The following TPCN2 variants were observed in gnomAD, a reference collection of about 807,000 sequenced individuals.
TPCN2 encodes the protein two pore channel protein 2.
A neutral mutation model predicts 111.4 loss-of-function variants in TPCN2; 92 were observed. The observed-to-expected ratio is 0.83, with a 90% confidence interval of 0.70 to 0.98. TPCN2 has a LOEUF of 0.98. Ranked by LOEUF, TPCN2 falls within the 50% of genes least tolerant of loss-of-function variation. TPCN2 has a pLI of 0.00. For missense variants in TPCN2, 995 were observed against 980.1 expected, an observed-to-expected ratio of 1.02 and a Z score of -0.20; for synonymous variants, 405 against 414.5, an observed-to-expected ratio of 0.98 and a Z score of 0.28.
Position 69,063,896 on chromosome 11 carries a change from G to A in TPCN2, c.655G>A (p.Val219Ile), listed in dbSNP as rs72928978. 0.1 allele frequency: 165,237 copies of A among 1,613,150 alleles called. 10,520 individuals are homozygous for A. The highest frequency in any genetic ancestry group is 0.11 in the Non-Finnish European group (133,762 of 1,179,384). The change falls in exon 7 of 25, where the codon GTC becomes ATC. Residue 219 changes from valine to isoleucine, a missense_variant and splice_region_variant. Transcript: ENST00000294309. Reference protein sequence around the residue: ...IRWSLPEMASVGLLLAIHLCL... With the variant: ...IRWSLPEMASIGLLLAIHLCL... ...GCTGAGTGCCGTGCTCTCCCCCAGC[G>A]TCGGGCTGCTGCTGGCCATCCACCT...
In TPCN2 at chr11:69,079,826, A is replaced by T; in HGVS notation, c.1540-8A>T. ...GTAGCGAAGCCTTCTTTTCTTTTGT[A>T]ATTAAAGGTTTTGGAGATCTCAACT... On this transcript the variant is annotated splice_region_variant and splice_polypyrimidine_tract_variant and intron_variant, in intron 16 of 24. Transcript: ENST00000294309. 1.2e-6 allele frequency: 2 copies of T among 1,613,160 alleles called. No individual in the cohort carries two copies. The highest frequency in any genetic ancestry group is 1.7e-6 in the Non-Finnish European group (2 of 1,179,610).
chr11:69,082,284 G>T (rs866390689), intron 18 of TPCN2, among the ~76,000 whole-genome samples: 1 of 152,166 alleles, frequency 6.6e-6, no homozygotes, highest in Non-Finnish European at 1.5e-5. Flanking sequence ...CCAAGCACAC[G>T]TGATCTCACA....
chr11:69,065,261 C>T (rs959590651), intron 7 of TPCN2, among the ~76,000 whole-genome samples: 4 of 152,258 alleles, frequency 2.6e-5, no homozygotes, highest in African/African-American at 9.6e-5. Flanking sequence ...GTCCAGTGAC[C>T]CCTGCAGTAG....
At chr11:69,062,355 G>T (rs2134548868) in intron 5 of TPCN2, among the ~76,000 whole-genome samples, 1 of 152,268 alleles carries the variant, frequency 6.6e-6, no homozygotes, top group Non-Finnish European at 1.5e-5. Flanking sequence ...GAGCGTGGGA[G>T]CAGTGAGGCT....
intron 13 of TPCN2, among the ~76,000 whole-genome samples, chr11:69,075,341 A>G (rs1384376778): frequency 2.0e-5 from 3 of 152,192 alleles, no homozygotes; most frequent in African/African-American, 7.2e-5. Context: ...GTCTCTTAAG[A>G]TGATGTAGTG....
Position 69,052,503 on chromosome 11 carries a change from G to A in TPCN2, c.110-1530G>A, listed in dbSNP as rs547315360. Among the ~76,000 whole-genome samples the A allele has an allele frequency of 4.6e-5, 7 of 152,258 alleles. No individual in the cohort carries two copies. In the East Asian group the frequency reaches 1.2e-3, roughly 25 times the overall value. On this transcript the variant is annotated intron_variant, in intron 1 of 24. Transcript: ENST00000294309. ...AGAGCTTCCCTGGGGAGACATTCGGGTGTCCTCAGGGTGGGTCTCGTGGCT... is the reference window on the plus strand; with the variant it reads ...AGAGCTTCCCTGGGGAGACATTCGGATGTCCTCAGGGTGGGTCTCGTGGCT...
chr11:69,051,814 GT>G (rs762732499), intron 1 of TPCN2, among the ~76,000 whole-genome samples: 7 of 152,218 alleles, frequency 4.6e-5, no homozygotes, highest in Non-Finnish European at 1.0e-4. Context: ...TGAGTAAAGG[GT>G]TGGAGGCTTT....
intron 24 of TPCN2, 26 bp from the exon 25 acceptor site, chr11:69,087,849 G>A (rs757239081): frequency 6.3e-7 from 1 of 1,599,500 alleles, no homozygotes; most frequent in Non-Finnish European, 8.5e-7. Context: ...AGAGGCCCCT[G>A]TGTGCATCTT....
At chr11:69,063,161 TGG>T (rs1235916547) in intron 6 of TPCN2, among the ~76,000 whole-genome samples, 171 bp downstream of exon 6, 17 of 151,836 alleles carry the variant, frequency 1.1e-4, no homozygotes, top group African/African-American at 3.9e-4. Flanking sequence ...GGGGTCTCTT[TGG>T]TTCCAGCAGT....
intron 8 of TPCN2, among the ~76,000 whole-genome samples, chr11:69,069,872 G>A (rs1316680532): frequency 6.6e-6 from 1 of 152,046 alleles, no homozygotes; most frequent in Non-Finnish European, 1.5e-5. Flanking sequence ...TTTCAGCTCT[G>A]TGTGCAGAGG....
At position 69,085,231 on chromosome 11, in the gene TPCN2, A is replaced by G. The variant is rs767716878; in HGVS notation, c.1783A>G (p.Ile595Val). 6 of 1,613,592 alleles carry G rather than the reference A, an allele frequency of 3.7e-6. No homozygotes were observed. The highest frequency in any genetic ancestry group is 3.4e-6 in the Non-Finnish European group (4 of 1,179,768). ...ILVVVYYVFA[I>V]IGINLFRGVI... ...CCAGGTGGTCTACTACGTATTTGCC[A>G]TCATTGGGATCAACTTGTTTAGAGG... The change falls in exon 20 of 25, where the codon ATC (isoleucine) becomes GTC (valine). Residue 595 changes from isoleucine to valine, a missense_variant. By Grantham distance (29) the Ile-to-Val change is conservative (BLOSUM62 3). Transcript: ENST00000294309.
At chr11:69,067,424 C>T (rs1399724601) in intron 7 of TPCN2, 79 bp from the exon 8 acceptor site, 17 of 1,342,840 alleles carry the variant, frequency 1.3e-5, no homozygotes, top group African/African-American at 2.9e-5. Context: ...TGGTTCCAGC[C>T]GGTTGGGTCC....
intron 1 of TPCN2, among the ~76,000 whole-genome samples, chr11:69,049,735 C>T (rs1309676612): frequency 1.3e-5 from 2 of 152,178 alleles, no homozygotes; most frequent in East Asian, 1.9e-4. Flanking sequence ...CCCCAGAGTC[C>T]CCTCTGCACT....
intron 1 of TPCN2, among the ~76,000 whole-genome samples, chr11:69,051,292 A>G (rs1160797124): frequency 6.6e-6 from 1 of 152,224 alleles, no homozygotes; most frequent in African/African-American, 2.4e-5. Flanking sequence ...TCACACTTTT[A>G]CTGGTTATCA....
chr11:69,067,639 C>A, intron 8 of TPCN2, 34 bp downstream of exon 8: 1 of 1,605,520 alleles, frequency 6.2e-7, no homozygotes, highest in Non-Finnish European at 8.5e-7. Flanking sequence ...CCGTGGGGGT[C>A]GGTGAGCCCA....
chr11:69,073,224 C>T (rs999551507), intron 13 of TPCN2, among the ~76,000 whole-genome samples: 1 of 152,176 alleles, frequency 6.6e-6, no homozygotes, highest in Non-Finnish European at 1.5e-5. Flanking sequence ...GAGCCCAGCC[C>T]GACATGAAGG....
In TPCN2 at chr11:69,089,100, T is replaced by G. The variant is rs1467169087; in HGVS notation, c.*1147T>G. ...ACAAGTTCTTTCATCTGCTTTTCCTTCAGAGGTGCTGAGCCCACGCCATAG... is the reference window on the plus strand; with the variant it reads ...ACAAGTTCTTTCATCTGCTTTTCCTGCAGAGGTGCTGAGCCCACGCCATAG... On this transcript the variant is annotated 3_prime_UTR_variant, in exon 25 of 25. Transcript: ENST00000294309. The G allele has an allele frequency of 2.0e-5, 3 of 152,288 alleles. No homozygotes were observed. The highest frequency in any genetic ancestry group is 1.9e-4 in the East Asian group (1 of 5,182). 9.4% of individuals were successfully genotyped at this position (152,288 alleles called of 1,614,324 possible). A position where few individuals can be genotyped will look rare whatever the true frequency, so the allele number is the denominator to read the frequency against.
intron 1 of TPCN2, among the ~76,000 whole-genome samples, chr11:69,051,368 G>A (rs185895394): frequency 3.9e-5 from 6 of 152,358 alleles, no homozygotes; most frequent in Non-Finnish European, 5.9e-5. Flanking sequence ...TGCTTATGAA[G>A]GGCTCACTTA....
At chr11:69,053,514 A>C (rs11228462) in intron 1 of TPCN2, among the ~76,000 whole-genome samples, 1 of 151,920 alleles carries the variant, frequency 6.6e-6, no homozygotes, top group Non-Finnish European at 1.5e-5. Flanking sequence ...GCTCATGAAG[A>C]CTGTGCAGGA....
Sources: gnomAD v4.1 joint callset for allele counts (sites outside exome capture counted in the v4.1 genomes callset) on GRCh38, gnomAD v4.1.1 for gene constraint, MANE v1.5 for transcripts, NCBI Gene and HGNC (gene_info 2026-07-23, HGNC 2026-07-21) for gene names.